PLEKHA6: variants seen among roughly 807,000 people sequenced by gnomAD.
PLEKHA6 encodes the protein pleckstrin homology domain-containing family A member 6.
In PLEKHA6, 60 loss-of-function variants were observed where a neutral mutation model predicts 116.7. The observed-to-expected ratio is 0.51, with a 90% CI of 0.42 to 0.64. PLEKHA6 has a LOEUF of 0.64. Ranked by LOEUF, PLEKHA6 falls within the 30% of genes least tolerant of loss-of-function variation. The pLI is 0.00. For synonymous variants in PLEKHA6, 489 were observed against 556.1 expected (o/e 0.88, Z 1.70); for missense variants, 1,338 against 1,422.7 (o/e 0.94, Z 0.96).
At chr1:204,332,495 C>T (rs1030454726) in intron 1 of PLEKHA6, among the ~76,000 whole-genome samples, 12 of 152,238 alleles carry the variant, frequency 7.9e-5, no homozygotes, top group African/African-American at 2.9e-4. Flanking sequence ...AATTCTCCTG[C>T]CTCAGCCTCC....
chr1:204,254,868 TTATA>T lies in PLEKHA6; in HGVS notation c.1524+2481_1524+2484del, dbSNP rs1273785917. On this transcript the variant is annotated intron_variant, in intron 9 of 22. Transcript: ENST00000272203. ...CAGATCTAAACTTAAGAGTATGTGC[TTATA>T]TAAATACCCAGCATATTGACCCCCA... Among the ~76,000 whole-genome samples the T allele has an allele frequency of 2.0e-5, 3 of 152,188 alleles. No homozygotes were observed. In the East Asian group the frequency reaches 5.8e-4, roughly 29 times the overall value.
chr1:204,347,072 T>C, intron 1 of PLEKHA6: 2 of 1,426,418 alleles, frequency 1.4e-6, no homozygotes, highest in South Asian at 2.3e-5. Context: ...TTGTAGACTC[T>C]TCCAGTTTTG....
intron 1 of PLEKHA6, among the ~76,000 whole-genome samples, chr1:204,347,809 T>C (rs901586449): frequency 1.3e-5 from 2 of 152,002 alleles, no homozygotes; most frequent in African/African-American, 2.4e-5. Flanking sequence ...GAATAGAGTA[T>C]ATTGAGTGGG....
At chr1:204,270,805 T>C (rs895860426) in intron 3 of PLEKHA6, among the ~76,000 whole-genome samples, 9 of 152,366 alleles carry the variant, frequency 5.9e-5, no homozygotes, top group African/African-American at 2.2e-4. Flanking sequence ...TTGTGAGATA[T>C]GGCAGGGCCT....
chr1:204,314,339 T>A (rs1671771850), intron 1 of PLEKHA6, among the ~76,000 whole-genome samples: 1 of 152,226 alleles, frequency 6.6e-6, no homozygotes, highest in Non-Finnish European at 1.5e-5. Flanking sequence ...ACTTCCCCTG[T>A]GAGCCCGGGG....
chr1:204,251,739 C>T (rs370968195), intron 9 of PLEKHA6: 2 of 611,078 alleles, frequency 3.3e-6, no homozygotes, highest in African/African-American at 3.6e-5. Context: ...AGCTTGCCCT[C>T]ACTCCTTGCT....
intron 1 of PLEKHA6, among the ~76,000 whole-genome samples, chr1:204,354,922 T>G (rs929406116): frequency 1.3e-5 from 2 of 152,228 alleles, no homozygotes; most frequent in African/African-American, 4.8e-5. Context: ...TGGAGTATCC[T>G]ATAAGCCATG....
rs112731457 is a variant in PLEKHA6, at chr1:204,228,126, G to A, written c.2988C>T (p.Cys996=). Reference sequence around the variant, plus strand: ...TGCGGGAGGCCTCGGTCGCCAGGGCGCAGGAGATTTCAATCCGCTTCTCCT... The same window carrying A: ...TGCGGGAGGCCTCGGTCGCCAGGGCACAGGAGATTTCAATCCGCTTCTCCT... ...QEQEKRIEIS[C]ALATEASRRG... is the part of the protein sequence containing the mutation. Residue 996 remains cysteine, a synonymous_variant, in exon 21 of 23, where the codon TGC becomes TGT. Transcript: ENST00000272203. The surrounding 1 kb of genome is among the most constrained non-coding windows in gnomAD (Gnocchi z 4.0). 1.7e-5 allele frequency: 28 copies of A among 1,612,848 alleles called. No individual in the cohort carries two copies. The highest frequency in any genetic ancestry group is 3.3e-5 in the South Asian group (3 of 90,964).
chr1:204,247,608 TGA>T, intron 12 of PLEKHA6, 148 bp from the exon 13 acceptor site: 1 of 570,958 alleles, frequency 1.8e-6, no homozygotes, highest in South Asian at 2.0e-5. Context: ...GGCACCAGGC[TGA>T]GACATTCTGG....
At chr1:204,332,409 T>A (rs1672487317) in intron 1 of PLEKHA6, among the ~76,000 whole-genome samples, 1 of 152,078 alleles carries the variant, frequency 6.6e-6, no homozygotes, top group African/African-American at 2.4e-5. Context: ...TCTCGCTGTG[T>A]CACCCAGGCT....
intron 15 of PLEKHA6, among the ~76,000 whole-genome samples, chr1:204,242,729 G>A (rs1212100674): frequency 6.6e-6 from 1 of 152,202 alleles, no homozygotes; most frequent in Non-Finnish European, 1.5e-5. Flanking sequence ...AGCATGGGTG[G>A]AGTGGGGCCT....
intron 1 of PLEKHA6, among the ~76,000 whole-genome samples, chr1:204,325,688 G>C (rs1387692885): frequency 6.6e-6 from 1 of 152,110 alleles, no homozygotes; most frequent in East Asian, 1.9e-4. Flanking sequence ...AATCCTATTA[G>C]AAACTTCTAA....
intron 1 of PLEKHA6, among the ~76,000 whole-genome samples, chr1:204,316,012 G>A (rs567260166): frequency 6.6e-6 from 1 of 152,332 alleles, no homozygotes; most frequent in Non-Finnish European, 1.5e-5. Flanking sequence ...CTATTTATAA[G>A]CTTGCTTATT....
chr1:204,318,055 T>C lies in PLEKHA6; in HGVS notation c.-95+41639A>G, dbSNP rs1027679477. The stretch of plus-strand genomic sequence containing the variant: ...GTGTGTACACGTGCGTGCATGAATA[T>C]CTTTGCTTACAAGGTAAATATCCTT... On this transcript the variant is annotated intron_variant, in intron 1 of 22. Coordinates refer to ENST00000272203, the MANE Select transcript of PLEKHA6 (RefSeq NM_014935.5). 5.3e-5 allele frequency among the ~76,000 whole-genome samples: 8 copies of C among 152,228 alleles called. No homozygotes were observed. In the East Asian group the frequency reaches 1.2e-3, roughly 22 times the overall value.
intron 1 of PLEKHA6, among the ~76,000 whole-genome samples, chr1:204,373,506 A>T (rs950092145): frequency 6.6e-6 from 1 of 152,146 alleles, no homozygotes; most frequent in African/African-American, 2.4e-5. Context: ...AGTGTGAACC[A>T]CAGCACCCAG....
At chr1:204,357,146 T>C (rs1673436422) in intron 1 of PLEKHA6, among the ~76,000 whole-genome samples, 1 of 151,988 alleles carries the variant, frequency 6.6e-6, no homozygotes, top group Non-Finnish European at 1.5e-5. Context: ...AACCAGAGGG[T>C]GGAACTTAGA....
intron 4 of PLEKHA6, 106 bp downstream of exon 4, chr1:204,268,102 G>A: frequency 1.6e-6 from 1 of 629,730 alleles, no homozygotes; most frequent in South Asian, 2.3e-5. Flanking sequence ...GAGACAGCAG[G>A]GGGACATACC....
Position 204,238,482 on chromosome 1 carries a change from C to T in PLEKHA6, c.2409+2893G>A, listed in dbSNP as rs1282287957. Among the ~76,000 whole-genome samples the T allele has an allele frequency of 4.6e-5, 7 of 152,242 alleles. No homozygotes were observed. Among genetic ancestry groups the T allele is most frequent in the Admixed American group, 4.6e-4 (7 of 15,288 alleles). ...TCACCAAGTCACCATGCGACCTGAA[C>T]TGCCTATCATGAACAGGGTGCTTTC... On this transcript the variant is annotated intron_variant, in intron 17 of 22. Transcript: ENST00000272203. The surrounding 1 kb of genome is among the most constrained non-coding windows in gnomAD (Gnocchi z 4.2).
At chr1:204,244,754 G>T in intron 15 of PLEKHA6, 110 bp downstream of exon 15, 1 of 795,154 alleles carries the variant, frequency 1.3e-6, no homozygotes, top group Non-Finnish European at 1.9e-6. Context: ...TCCAGCACTA[G>T]GGCTGGAGGC....
Sources: gnomAD v4.1 joint callset for allele counts (sites outside exome capture counted in the v4.1 genomes callset) on GRCh38, gnomAD v4.1.1 for gene constraint, Gnocchi (gnomAD v3.1) non-coding constraint, MANE v1.5 for transcripts, NCBI Gene and HGNC (gene_info 2026-07-23, HGNC 2026-07-21) for gene names.